The following NRXN1 variants were observed in gnomAD, a reference collection of about 807,000 sequenced individuals.
NRXN1 encodes the protein neurexin 1, also known as neurexin-1.
A neutral mutation model predicts 150.9 loss-of-function variants in NRXN1; 39 were observed. The observed-to-expected ratio is 0.26, with a 90% CI of 0.20 to 0.34. The LOEUF (loss-of-function observed/expected upper bound fraction) is 0.34. NRXN1 is among the 10% of genes least tolerant of loss of function. The pLI is 1.00. For missense variants in NRXN1, 1,815 were observed against 1,949.9 expected, an observed-to-expected ratio of 0.93 and a Z score of 1.30; for synonymous variants, 924 against 757.0, an observed-to-expected ratio of 1.22 and a Z score of -3.62.
At chr2:50,646,483 A>C (rs960435265) in intron 5 of NRXN1, among the ~76,000 whole-genome samples, 3 of 152,000 alleles carry the variant, frequency 2.0e-5, no homozygotes, top group Non-Finnish European at 2.9e-5. Flanking sequence ...AGCTTTCCAA[A>C]TTTTACAAAT....
chr2:50,963,567 T>C (rs1214314906), intron 2 of NRXN1, among the ~76,000 whole-genome samples: 2 of 151,728 alleles, frequency 1.3e-5, no homozygotes, highest in South Asian at 2.1e-4. Flanking sequence ...ACTATGTGTT[T>C]ACACACAAGT....
intron 17 of NRXN1, among the ~76,000 whole-genome samples, chr2:50,300,616 G>A (rs1418519876): frequency 4.6e-5 from 7 of 152,204 alleles, no homozygotes; most frequent in Non-Finnish European, 8.8e-5. Flanking sequence ...CCAATAGGAT[G>A]TGAGCAGACG....
rs533603055 is a variant in NRXN1 at position 50,371,164 on chromosome 2, T to C, written c.3364+94278A>G. Among the ~76,000 whole-genome samples, 28 of 152,118 alleles carry C rather than the reference T, an allele frequency of 1.8e-4. No homozygotes were observed. The South Asian group carries it at 2.1e-3, about 11-fold the overall frequency. ...AAAATGGACTCACCCTGGTGCCCAA[T>C]TGTCTTTTATTACAAAGGGCATTCT... is the stretch of plus-strand genomic sequence containing the variant. On this transcript the variant is annotated intron_variant, in intron 17 of 22. Coordinates refer to ENST00000401669, the MANE Select transcript of NRXN1 (RefSeq NM_001330078.2).
rs192158528 is a variant in NRXN1 at position 50,496,347 on chromosome 2, T to G, written c.2880-252A>C. Among the ~76,000 whole-genome samples, 500 of 152,336 alleles carry G rather than the reference T, an allele frequency of 3.3e-3. 2 individuals carry two copies. The highest frequency in any genetic ancestry group is 5.2e-3 in the Non-Finnish European group (355 of 68,044). ...TTTAAAATCATGGTCTACATTTAAC[T>G]TTATGAATTTGGAAAGCAATATCTT... On this transcript the variant is annotated intron_variant, in intron 14 of 22. Coordinates refer to ENST00000401669, the MANE Select transcript of NRXN1 (RefSeq NM_001330078.2).
At chr2:50,382,379 T>C (rs898844401) in intron 17 of NRXN1, among the ~76,000 whole-genome samples, 12 of 152,218 alleles carry the variant, frequency 7.9e-5, no homozygotes, top group African/African-American at 2.9e-4. Context: ...TGGTTAGACA[T>C]TGACAATCTC....
chr2:50,860,298 G>T (rs561490720), intron 5 of NRXN1, among the ~76,000 whole-genome samples: 1 of 151,864 alleles, frequency 6.6e-6, no homozygotes, highest in African/African-American at 2.4e-5. Context: ...TATCTTTCTG[G>T]GTCTCTACTT....
At chr2:50,861,158 T>C (rs1676077488) in intron 5 of NRXN1, among the ~76,000 whole-genome samples, 1 of 152,052 alleles carries the variant, frequency 6.6e-6, no homozygotes, top group Non-Finnish European at 1.5e-5. Flanking sequence ...TCATCTTGTG[T>C]GTTCCTGGCT....
intron 5 of NRXN1, among the ~76,000 whole-genome samples, chr2:50,908,362 TAC>T (rs71404979): frequency 6.1e-4 from 90 of 147,902 alleles, no homozygotes; most frequent in Admixed American, 2.2e-3. Context: ...CATTCACACA[TAC>T]ACACACACAC....
intron 21 of NRXN1, chr2:49,974,249 T>C (rs1678528745): frequency 3.1e-6 from 2 of 645,604 alleles, no homozygotes; most frequent in Non-Finnish European, 5.9e-6. Flanking sequence ...GCTGACGCAC[T>C]ACGGCAGGAA....
At chr2:50,801,000 C>T (rs908190365) in intron 5 of NRXN1, among the ~76,000 whole-genome samples, 4 of 152,114 alleles carry the variant, frequency 2.6e-5, no homozygotes, top group African/African-American at 4.8e-5. Flanking sequence ...TCAGAATTTA[C>T]TGAGATTTTT....
intron 17 of NRXN1, among the ~76,000 whole-genome samples, chr2:50,336,396 A>C (rs1340074209): frequency 6.6e-6 from 1 of 152,228 alleles, no homozygotes; most frequent in Non-Finnish European, 1.5e-5. Context: ...GCATCTAGAA[A>C]CGACACAATT....
intron 15 of NRXN1, 145 bp from the exon 16 acceptor site, chr2:50,472,616 T>TTCCCC: frequency 1.6e-6 from 1 of 608,628 alleles, no homozygotes; most frequent in Non-Finnish European, 2.8e-6. Context: ...CCCAAAGTGC[T>TTCCCC]AAACAATAGA....
intron 17 of NRXN1, among the ~76,000 whole-genome samples, chr2:50,301,887 T>C (rs916358361): frequency 2.0e-5 from 3 of 152,166 alleles, no homozygotes; most frequent in Non-Finnish European, 4.4e-5. Context: ...AGACATTCTT[T>C]CCCTCAAAGA....
At chr2:50,751,605 C>T (rs1269041023) in intron 5 of NRXN1, among the ~76,000 whole-genome samples, 1 of 151,976 alleles carries the variant, frequency 6.6e-6, no homozygotes, top group Non-Finnish European at 1.5e-5. Context: ...CATCTTCGGT[C>T]AGCACATAGT....
At chr2:50,806,046 A>G (rs1437844493) in intron 5 of NRXN1, among the ~76,000 whole-genome samples, 1 of 152,200 alleles carries the variant, frequency 6.6e-6, no homozygotes, top group Non-Finnish European at 1.5e-5. Flanking sequence ...GCAATACACA[A>G]ATATGTTTAA....
intron 21 of NRXN1, among the ~76,000 whole-genome samples, chr2:50,000,705 A>T (rs888474025): frequency 6.6e-6 from 1 of 152,146 alleles, no homozygotes; most frequent in Admixed American, 6.6e-5. Context: ...TGTTAACAGG[A>T]TATCAATGTG....
intron 17 of NRXN1, among the ~76,000 whole-genome samples, chr2:50,304,876 G>C (rs1021617887): frequency 6.6e-6 from 1 of 152,122 alleles, no homozygotes; most frequent in Non-Finnish European, 1.5e-5. Flanking sequence ...CGGATCAGAA[G>C]GTCAGGAGTT....
At chr2:50,385,056 A>G (rs2081236443) in intron 17 of NRXN1, among the ~76,000 whole-genome samples, 1 of 152,216 alleles carries the variant, frequency 6.6e-6, no homozygotes. Context: ...AACTCTTCTA[A>G]CATGTTGAAA....
intron 2 of NRXN1, among the ~76,000 whole-genome samples, chr2:50,927,152 C>T (rs891503759): frequency 1.3e-5 from 2 of 151,900 alleles, no homozygotes; most frequent in Non-Finnish European, 2.9e-5. Context: ...ATAAACATGG[C>T]AACATGCAAG....
Sources: allele counts gnomAD v4.1 joint callset (sites outside exome capture counted in the v4.1 genomes callset), GRCh38; gene constraint gnomAD v4.1.1; transcripts MANE v1.5; gene names NCBI Gene and HGNC (gene_info 2026-07-23, HGNC 2026-07-21).